Variants in SEC14L5 observed in about 807,000 individuals in gnomAD.
SEC14L5 encodes SEC14 like lipid binding 5.
Under a neutral mutation model 84.6 loss-of-function variants are expected in SEC14L5, and 96 were observed. That is an observed-to-expected ratio of 1.13 (90% confidence interval 0.96 to 1.34). The LOEUF (loss-of-function observed/expected upper bound fraction) is 1.34, where lower values mean the gene tolerates loss of function less well. Ranked by LOEUF, SEC14L5 falls within the 40% of genes most tolerant of loss-of-function variation. The pLI is 0.00. For synonymous variants in SEC14L5, 546 were observed against 383.4 expected (o/e 1.42, Z -4.95); for missense variants, 1,224 against 942.5 (o/e 1.30, Z -3.91).
chr16:5,015,354 C>G lies in SEC14L5; in HGVS notation c.*384C>G, dbSNP rs190436780. 0.011 allele frequency: 2,308 copies of G among 203,568 alleles called. 52 individuals are homozygous for G. The highest frequency in any genetic ancestry group is 0.05 in the African/African-American group (2,162 of 43,652). The allele number at this position is 203,568 out of a possible 1,614,324, so 12.6% of individuals were successfully genotyped here. A position where few individuals can be genotyped will look rare whatever the true frequency, so the allele number is the denominator to read the frequency against. On this transcript the variant is annotated 3_prime_UTR_variant, in exon 16 of 16. Coordinates refer to ENST00000251170, the MANE Select transcript of SEC14L5 (RefSeq NM_014692.2). ...TCACTATCAGGTGCCCTTCTCCTCCCTGCAGCTTGCCTGCATAAGAGAGCC... is the reference window on the plus strand; with the variant it reads ...TCACTATCAGGTGCCCTTCTCCTCCGTGCAGCTTGCCTGCATAAGAGAGCC...
At chr16:4,980,275 C>T (rs573548145) in intron 2 of SEC14L5, among the ~76,000 whole-genome samples, 130 of 152,318 alleles carry the variant, frequency 8.5e-4, no homozygotes, top group Non-Finnish European at 1.5e-3. Flanking sequence ...GCCTTCCAGA[C>T]GGAGCCTCAG....
At chr16:5,001,838 T>A (rs1568142363) in intron 10 of SEC14L5, among the ~76,000 whole-genome samples, 1 of 151,504 alleles carries the variant, frequency 6.6e-6, no homozygotes, top group Non-Finnish European at 1.5e-5. Flanking sequence ...AGTGGTGCAA[T>A]CACAGCTCAC....
At chr16:4,963,736 C>T (rs1362651222) in intron 2 of SEC14L5, among the ~76,000 whole-genome samples, 3 of 152,230 alleles carry the variant, frequency 2.0e-5, no homozygotes, top group Non-Finnish European at 2.9e-5. Flanking sequence ...TCACTGCAGC[C>T]TTGAACTCCT....
chr16:5,009,385 A>G (rs776504934), intron 14 of SEC14L5, among the ~76,000 whole-genome samples: 49 of 152,122 alleles, frequency 3.2e-4, no homozygotes, highest in Non-Finnish European at 6.3e-4. Context: ...ATGTAGTGAT[A>G]TGATCACAGC....
intron 13 of SEC14L5, among the ~76,000 whole-genome samples, chr16:5,008,070 G>GCTATTT (rs1219237597): frequency 2.6e-5 from 4 of 151,744 alleles, no homozygotes; most frequent in Non-Finnish European, 5.9e-5. Flanking sequence ...AGCATGCCTG[G>GCTATTT]CTATTTTTTT....
At chr16:4,987,468 A>T in intron 2 of SEC14L5, 89 bp from the exon 3 acceptor site, 1 of 1,149,626 alleles carries the variant, frequency 8.7e-7, no homozygotes, top group Non-Finnish European at 1.2e-6. Context: ...CCCGTCTGAT[A>T]AGTGACACAG....
chr16:5,008,451 G>C lies in SEC14L5; in HGVS notation c.1603G>C (p.Val535Leu). 1 of 1,613,396 alleles carries C rather than the reference G, an allele frequency of 6.2e-7. No homozygotes were observed. Among genetic ancestry groups the C allele is most frequent in the East Asian group, 2.2e-5 (1 of 44,860 alleles). The change falls in exon 14 of 16, where the codon GTC (valine) becomes CTC (leucine). Residue 535 changes from valine (V) to leucine (L), a missense_variant. Physicochemically the swap from Val to Leu is conservative, Grantham distance 32. Transcript: ENST00000251170. ...VAVEILEGES[V>L]ITWDFDILRG... ...CGTGGAGATCCTGGAAGGAGAGTCG[G>C]TCATCACCTGGGACTTTGACATCCT...
At position 4,998,446 on chromosome 16, in the gene SEC14L5, C is replaced by T. The variant is rs187182934; in HGVS notation, c.970+1402C>T. On this transcript the variant is annotated intron_variant, in intron 8 of 15. Transcript: ENST00000251170. Reference sequence around the variant, plus strand: ...CACTTTCCAATGTCCTTTATCTAAACGTTCATCTAGGGCCGGGCGCGGTGG... The same window carrying T: ...CACTTTCCAATGTCCTTTATCTAAATGTTCATCTAGGGCCGGGCGCGGTGG... Among the ~76,000 whole-genome samples the T allele has an allele frequency of 2.2e-3, 340 of 151,820 alleles. 3 individuals carry two copies. The highest frequency in any genetic ancestry group is 7.4e-3 in the African/African-American group (307 of 41,442).
At chr16:4,979,945 G>A (rs896763932) in intron 2 of SEC14L5, among the ~76,000 whole-genome samples, 1 of 152,190 alleles carries the variant, frequency 6.6e-6, no homozygotes, top group Non-Finnish European at 1.5e-5. Context: ...AGGCCAGTGG[G>A]ACTCAGCATT....
rs1955513861 is a variant in SEC14L5, at chr16:4,988,136, C to G, written c.214-13C>G. 1 of 1,613,452 alleles carries G rather than the reference C, an allele frequency of 6.2e-7. No individual in the cohort carries two copies. Among genetic ancestry groups the G allele is most frequent in the African/African-American group, 1.3e-5 (1 of 74,912 alleles). On this transcript the variant is annotated splice_polypyrimidine_tract_variant and intron_variant, in intron 3 of 15. Transcript: ENST00000251170. ...GCCCACCCACCTCCGCCTCCCCGCC[C>G]CTTCCCTTGCAGATCGCAGGTGTTG...
chr16:4,991,025 G>A (rs1955548395), intron 5 of SEC14L5, 130 bp downstream of exon 5: 2 of 634,618 alleles, frequency 3.2e-6, no homozygotes, highest in South Asian at 3.3e-5. Context: ...GGGTACTCTA[G>A]TAATGACCAA....
chr16:4,974,357 A>G (rs973302008), intron 2 of SEC14L5, among the ~76,000 whole-genome samples: 1 of 151,852 alleles, frequency 6.6e-6, no homozygotes, highest in Admixed American at 6.6e-5. Flanking sequence ...ACGCACCATC[A>G]TGCCTGCCTA....
intron 15 of SEC14L5, 43 bp downstream of exon 15, chr16:5,011,316 G>C: frequency 6.3e-7 from 1 of 1,579,742 alleles, no homozygotes. Context: ...GAAGGACCCT[G>C]GGGCTGATTG....
At chr16:4,991,209 C>G (rs947993136) in intron 5 of SEC14L5, among the ~76,000 whole-genome samples, 1 of 130,048 alleles carries the variant, frequency 7.7e-6, no homozygotes. Flanking sequence ...TCATTGCTTG[C>G]TCTAAAGACC....
At chr16:5,004,910 G>T (rs1431746894) in intron 11 of SEC14L5, among the ~76,000 whole-genome samples, 1 of 152,216 alleles carries the variant, frequency 6.6e-6, no homozygotes, top group Admixed American at 6.5e-5. Context: ...CCATAAGAAG[G>T]AAGGAAGCAC....
At position 4,990,853 on chromosome 16, in the gene SEC14L5, G is replaced by A. The variant is rs753481030; in HGVS notation, c.432G>A (p.Leu144=). 5.0e-6 allele frequency: 8 copies of A among 1,610,540 alleles called. No homozygotes were observed. The South Asian group carries it at 8.8e-5, about 18-fold the overall frequency. The change falls in exon 5 of 16, where the codon TTG becomes TTA. Residue 144 remains leucine (L), a synonymous_variant. Transcript: ENST00000251170. ...IRSFFGFENA[L]EKIAMKQYTA... is the part of the protein sequence containing the mutation. ...CTTTCTTTGGCTTTGAAAATGCCTT[G>A]GAGAAGATCGCCATGAAGCAGTACA...
At chr16:4,967,259 T>C (rs937827962) in intron 2 of SEC14L5, among the ~76,000 whole-genome samples, 2 of 152,164 alleles carry the variant, frequency 1.3e-5, no homozygotes, top group East Asian at 1.9e-4. Flanking sequence ...TTCCTTGACT[T>C]GGGACAGCAG....
chr16:5,000,135 A>G (rs1231367648), intron 8 of SEC14L5, among the ~76,000 whole-genome samples: 4 of 151,548 alleles, frequency 2.6e-5, no homozygotes, highest in Non-Finnish European at 2.9e-5. Context: ...TACTAAAAAT[A>G]CGAAAATTAG....
intron 2 of SEC14L5, among the ~76,000 whole-genome samples, chr16:4,973,990 G>A (rs559037741): frequency 1.5e-4 from 22 of 151,582 alleles, no homozygotes; most frequent in African/African-American, 5.3e-4. Flanking sequence ...GGCCTTATAT[G>A]ACTTCATTTC....
Sources: allele counts gnomAD v4.1 joint callset (sites outside exome capture counted in the v4.1 genomes callset), GRCh38; gene constraint gnomAD v4.1.1; transcripts MANE v1.5; gene names NCBI Gene and HGNC (gene_info 2026-07-23, HGNC 2026-07-21).